Variants in NCAM2 observed in about 807,000 individuals in gnomAD.
NCAM2 encodes N-CAM-2.
Under a neutral mutation model 98.1 loss-of-function variants are expected in NCAM2, and 30 were observed. That is an observed-to-expected ratio of 0.31 (90% confidence interval 0.23 to 0.41). The LOEUF (loss-of-function observed/expected upper bound fraction) is 0.41, where lower values mean the gene tolerates loss of function less well. NCAM2 is among the 10% of genes least tolerant of loss of function. The pLI is 1.00. For missense variants in NCAM2, 867 were observed against 1,005.8 expected (o/e 0.86, Z 1.87); for synonymous variants, 368 against 342.4 (o/e 1.07, Z -0.83).
At chr21:21,530,231 T>TG (rs1427273755) in intron 16 of NCAM2, among the ~76,000 whole-genome samples, 5 of 48,568 alleles carry the variant, frequency 1.0e-4, no homozygotes, top group African/African-American at 2.5e-4. Flanking sequence ...TAATTATATA[T>TG]ATTTAATTTA....
At chr21:21,339,833 A>T (rs751517059) in intron 8 of NCAM2, among the ~76,000 whole-genome samples, 1 of 151,836 alleles carries the variant, frequency 6.6e-6, no homozygotes. Flanking sequence ...GTGTTATCAT[A>T]TATGTTACCC....
At chr21:21,259,007 A>G (rs1206999066) in intron 1 of NCAM2, among the ~76,000 whole-genome samples, 5 of 152,150 alleles carry the variant, frequency 3.3e-5, no homozygotes, top group Non-Finnish European at 7.4e-5. Context: ...AGGGAGGGTC[A>G]TCATTGTGCC....
intron 9 of NCAM2, among the ~76,000 whole-genome samples, chr21:21,390,263 G>C (rs1375922501): frequency 6.6e-6 from 1 of 151,856 alleles, no homozygotes; most frequent in African/African-American, 2.4e-5. Flanking sequence ...TTTCAGTATG[G>C]CTCTTAGAAA....
Position 21,264,972 on chromosome 21 carries a change from C to CATAT in NCAM2, c.56-15601_56-15598dup, listed in dbSNP as rs1217332324. Among the ~76,000 whole-genome samples, 120 of 82,512 alleles carry CATAT rather than the reference C, an allele frequency of 1.5e-3. 4 individuals are homozygous for CATAT. The highest frequency in any genetic ancestry group is 2.7e-3 in the Non-Finnish European group (94 of 34,860). 54.1% of individuals were successfully genotyped at this position (82,512 alleles called of 152,430 possible). A position where few individuals can be genotyped will look rare whatever the true frequency, so the allele number is the denominator to read the frequency against. On this transcript the variant is annotated intron_variant, in intron 1 of 17. Transcript: ENST00000400546. ...ATATATGTGTATGTGTATATATACA[C>CATAT]ATATATATTATATATGTGTATGTGT...
intron 1 of NCAM2, among the ~76,000 whole-genome samples, chr21:21,144,839 A>T (rs987627930): frequency 1.4e-4 from 21 of 152,190 alleles, no homozygotes; most frequent in African/African-American, 5.1e-4. Context: ...GAAATGCTTA[A>T]GAAATGGAAT....
At chr21:21,392,498 C>T (rs1233926318) in intron 9 of NCAM2, among the ~76,000 whole-genome samples, 1 of 152,126 alleles carries the variant, frequency 6.6e-6, no homozygotes, top group Admixed American at 6.5e-5. Context: ...ATTGGTATTT[C>T]TGTCTTTAGG....
intron 1 of NCAM2, among the ~76,000 whole-genome samples, chr21:21,044,201 G>C (rs1295689518): frequency 6.6e-6 from 1 of 152,144 alleles, no homozygotes; most frequent in African/African-American, 2.4e-5. Flanking sequence ...TCTTATTGCA[G>C]GTTTGTGTTC....
intron 16 of NCAM2, among the ~76,000 whole-genome samples, chr21:21,531,681 A>G (rs1989703434): frequency 6.6e-6 from 1 of 152,132 alleles, no homozygotes; most frequent in Non-Finnish European, 1.5e-5. Context: ...GACTATTTTG[A>G]CAAACAATTG....
chr21:21,294,580 C>A (rs1178893888), intron 5 of NCAM2, among the ~76,000 whole-genome samples: 1 of 151,696 alleles, frequency 6.6e-6, no homozygotes, highest in Non-Finnish European at 1.5e-5. Context: ...CACAAACTCG[C>A]GTAGCTTAAA....
chr21:21,285,828 G>T (rs1026776090), intron 3 of NCAM2, among the ~76,000 whole-genome samples: 1 of 151,866 alleles, frequency 6.6e-6, no homozygotes, highest in Non-Finnish European at 1.5e-5. Context: ...AAATTACCTG[G>T]GGTAGAGAGA....
At chr21:21,200,233 T>A (rs2069159335) in intron 1 of NCAM2, among the ~76,000 whole-genome samples, 1 of 151,882 alleles carries the variant, frequency 6.6e-6, no homozygotes, top group African/African-American at 2.4e-5. Context: ...TAGATAGAAA[T>A]GCACTTTGAA....
intron 1 of NCAM2, among the ~76,000 whole-genome samples, chr21:21,225,353 A>T: frequency 6.6e-6 from 1 of 152,212 alleles, no homozygotes; most frequent in Non-Finnish European, 1.5e-5. Flanking sequence ...ACCATGGCAC[A>T]TGTTTATCCA....
intron 8 of NCAM2, among the ~76,000 whole-genome samples, chr21:21,363,147 G>A (rs528034631): frequency 6.6e-6 from 1 of 151,892 alleles, no homozygotes; most frequent in Non-Finnish European, 1.5e-5. Flanking sequence ...TCTCTTTTGG[G>A]GCCAAATGAT....
intron 1 of NCAM2, among the ~76,000 whole-genome samples, chr21:21,147,801 G>C (rs988446229): frequency 1.0e-5 from 1 of 97,996 alleles, no homozygotes; most frequent in South Asian, 4.1e-4. Context: ...TAAATTTATT[G>C]AATATATATA....
At chr21:21,518,638 T>C (rs1337410612) in intron 16 of NCAM2, among the ~76,000 whole-genome samples, 1 of 151,258 alleles carries the variant, frequency 6.6e-6, no homozygotes, top group East Asian at 1.9e-4. Flanking sequence ...TCATTACATA[T>C]ACTATATATT....
chr21:21,399,141 T>C (rs1469791528), intron 9 of NCAM2, among the ~76,000 whole-genome samples: 2 of 152,220 alleles, frequency 1.3e-5, no homozygotes, highest in African/African-American at 4.8e-5. Context: ...AATGCTTCCA[T>C]AAATATTTAA....
At chr21:21,027,960 G>A (rs1357371457) in intron 1 of NCAM2, among the ~76,000 whole-genome samples, 7 of 151,632 alleles carry the variant, frequency 4.6e-5, no homozygotes, top group Non-Finnish European at 1.0e-4. Flanking sequence ...GGGTTCAAGC[G>A]ATTCTCCTGC....
rs370768459 is a variant in NCAM2, at chr21:21,127,494, AT to A, written c.55+128877del. On this transcript the variant is annotated intron_variant, in intron 1 of 17. Transcript: ENST00000400546. ...GATCTTCTCTTCTAGCTGTTTTGAA[AT>A]CTACTATAATTTCTCTGTAACTATA... Among the ~76,000 whole-genome samples the A allele has an allele frequency of 5.3e-3, 811 of 152,174 alleles. 1 individual carries two copies. Among genetic ancestry groups the A allele is most frequent in the Non-Finnish European group, 9.4e-3 (641 of 67,970 alleles).
At chr21:21,258,706 A>G (rs1181940014) in intron 1 of NCAM2, among the ~76,000 whole-genome samples, 1 of 152,066 alleles carries the variant, frequency 6.6e-6, no homozygotes, top group Non-Finnish European at 1.5e-5. Context: ...CTGTTTGTGC[A>G]CGCATGGTGG....
Sources: gnomAD v4.1 joint callset for allele counts (sites outside exome capture counted in the v4.1 genomes callset) on GRCh38, gnomAD v4.1.1 for gene constraint, MANE v1.5 for transcripts, NCBI Gene and HGNC (gene_info 2026-07-23, HGNC 2026-07-21) for gene names.